Variants in ZBTB16 observed in about 807,000 individuals in gnomAD.
ZBTB16 encodes zinc finger and BTB domain-containing protein 16.
In ZBTB16, 8 loss-of-function variants were observed where a neutral mutation model predicts 56.8. The ratio of observed to expected loss-of-function variants is 0.14; its 90% CI spans 0.08 to 0.25. The LOEUF (loss-of-function observed/expected upper bound fraction) is 0.25, where lower values mean the gene tolerates loss of function less well. Among genes scored for constraint, ZBTB16 ranks in the 10% least tolerant of loss-of-function variants. The probability of loss-of-function intolerance (pLI) is 1.00; values close to 1 mark genes in which losing one functional copy is unlikely to be tolerated. For synonymous variants in ZBTB16, 363 were observed against 368.5 expected (o/e 0.98, Z 0.17); for missense variants, 625 against 903.0 (o/e 0.69, Z 3.95).
chr11:114,169,969 A>T (rs1056837473), intron 3 of ZBTB16, among the ~76,000 whole-genome samples: 2 of 152,140 alleles, frequency 1.3e-5, no homozygotes, highest in African/African-American at 2.4e-5. Context: ...CTCCGCCCAT[A>T]GCCACCTGGC....
intron 2 of ZBTB16, among the ~76,000 whole-genome samples, chr11:114,142,136 C>T (rs1035094064): frequency 1.3e-5 from 2 of 152,192 alleles, no homozygotes; most frequent in African/African-American, 2.4e-5. Context: ...GTCTTTGTGG[C>T]AGATGCTCAT....
intron 2 of ZBTB16, among the ~76,000 whole-genome samples, chr11:114,080,696 TC>T (rs1939727536): frequency 6.6e-6 from 1 of 152,202 alleles, no homozygotes; most frequent in South Asian, 2.1e-4. Context: ...TTATTGAAAA[TC>T]CATTTCAGTA....
chr11:114,104,248 G>C (rs1565627477), intron 2 of ZBTB16, among the ~76,000 whole-genome samples: 1 of 152,136 alleles, frequency 6.6e-6, no homozygotes, highest in African/African-American at 2.4e-5. Flanking sequence ...CTACTTTGAA[G>C]GCAGAAAGGA....
At chr11:114,118,079 G>T (rs1381668001) in intron 2 of ZBTB16, among the ~76,000 whole-genome samples, 1 of 152,142 alleles carries the variant, frequency 6.6e-6, no homozygotes, top group East Asian at 1.9e-4. Flanking sequence ...AGGACCCCAG[G>T]TGTGTGTGTC....
At chr11:114,147,138 G>A (rs1942128640) in intron 2 of ZBTB16, among the ~76,000 whole-genome samples, 1 of 152,178 alleles carries the variant, frequency 6.6e-6, no homozygotes, top group Admixed American at 6.5e-5. Context: ...GAAAGAATGA[G>A]GCAATATACA....
chr11:114,094,532 G>A (rs1193777891), intron 2 of ZBTB16, among the ~76,000 whole-genome samples: 1 of 152,176 alleles, frequency 6.6e-6, no homozygotes, highest in Non-Finnish European at 1.5e-5. Flanking sequence ...AGGGGATGGT[G>A]GCAAACTTGG....
At chr11:114,175,963 T>G (rs1006357024) in intron 3 of ZBTB16, among the ~76,000 whole-genome samples, 1 of 150,020 alleles carries the variant, frequency 6.7e-6, no homozygotes, top group Admixed American at 6.6e-5. Flanking sequence ...TTGTGAATCC[T>G]ACTCAGGGGA....
intron 2 of ZBTB16, among the ~76,000 whole-genome samples, chr11:114,112,760 CTTTTTTT>C (rs398017637): frequency 7.5e-6 from 1 of 133,150 alleles, no homozygotes; most frequent in Non-Finnish European, 1.6e-5. Context: ...AGTTCATTTT[CTTTTTTT>C]TTTTTTTTTT....
intron 2 of ZBTB16, among the ~76,000 whole-genome samples, chr11:114,112,835 C>T (rs547548735): frequency 2.0e-4 from 30 of 150,378 alleles, no homozygotes; most frequent in African/African-American, 6.9e-4. Context: ...GATTATATAG[C>T]TCACTGTAGC....
At chr11:114,234,089 G>A (rs1000071195) in intron 4 of ZBTB16, among the ~76,000 whole-genome samples, 3 of 152,070 alleles carry the variant, frequency 2.0e-5, no homozygotes, top group African/African-American at 4.8e-5. Context: ...CTTGACTGAC[G>A]GTATTGAAAC....
At chr11:114,179,892 C>T (rs1179687477) in intron 3 of ZBTB16, among the ~76,000 whole-genome samples, 2 of 152,102 alleles carry the variant, frequency 1.3e-5, no homozygotes, top group Non-Finnish European at 1.5e-5. Context: ...GGGGAGAGGG[C>T]AGCTGCAGGG....
rs544103584 is a variant in ZBTB16 at position 114,097,102 on chromosome 11, A to G, written c.1268+32534A>G. 1.4e-3 allele frequency among the ~76,000 whole-genome samples: 219 copies of G among 152,366 alleles called. 1 individual carries two copies. The highest frequency in any genetic ancestry group is 5.1e-3 in the African/African-American group (213 of 41,582). ...AAAATGTGGTATATACATATAGTGG[A>G]ATATTATTCAGCCTTAACAAGGAAG... On this transcript the variant is annotated intron_variant, in intron 2 of 6. Transcript: ENST00000335953.
chr11:114,111,217 T>A (rs960506479), intron 2 of ZBTB16, among the ~76,000 whole-genome samples: 2 of 151,520 alleles, frequency 1.3e-5, no homozygotes, highest in Non-Finnish European at 2.9e-5. Context: ...CAAGAAAAAT[T>A]TTAATGACTG....
chr11:114,235,693 T>TCTTTCTTTCTTTCTTTCTTTCTA (rs10669266), intron 4 of ZBTB16, among the ~76,000 whole-genome samples: 14 of 114,386 alleles, frequency 1.2e-4, no homozygotes, highest in East Asian at 1.1e-3. Flanking sequence ...TTTCTTTCTT[T>TCTTTCTTTCTTTCTTTCTTTCTA]TCTTTCTTTC....
intron 3 of ZBTB16, among the ~76,000 whole-genome samples, chr11:114,163,857 A>G (rs1281468292): frequency 2.0e-5 from 3 of 152,074 alleles, no homozygotes; most frequent in African/African-American, 4.8e-5. Context: ...CATTATGTCT[A>G]TCCATTTACA....
chr11:114,138,030 C>T (rs1941841884), intron 2 of ZBTB16, among the ~76,000 whole-genome samples: 1 of 152,184 alleles, frequency 6.6e-6, no homozygotes, highest in Non-Finnish European at 1.5e-5. Flanking sequence ...GGGGCAGAGC[C>T]TGTCATGGAG....
chr11:114,221,812 T>C (rs1303008149), intron 4 of ZBTB16, among the ~76,000 whole-genome samples: 2 of 152,152 alleles, frequency 1.3e-5, no homozygotes, highest in Non-Finnish European at 2.9e-5. Context: ...AGTCTTCTCT[T>C]AAAAGGCAAT....
chr11:114,193,749 G>T (rs916288591), intron 4 of ZBTB16, among the ~76,000 whole-genome samples: 2 of 152,190 alleles, frequency 1.3e-5, no homozygotes, highest in African/African-American at 4.8e-5. Context: ...GGAAGCCAAC[G>T]GGAGAGTAGG....
chr11:114,243,109 A>G (rs1379972444), intron 5 of ZBTB16, among the ~76,000 whole-genome samples: 1 of 152,178 alleles, frequency 6.6e-6, no homozygotes, highest in Non-Finnish European at 1.5e-5. Context: ...TTTCCCTAAC[A>G]GGGGAGTGGA....
Sources: gnomAD v4.1 joint callset for allele counts (sites outside exome capture counted in the v4.1 genomes callset) on GRCh38, gnomAD v4.1.1 for gene constraint, MANE v1.5 for transcripts, NCBI Gene and HGNC (gene_info 2026-07-23, HGNC 2026-07-21) for gene names.